Variants in MYBBP1A observed in about 807,000 individuals in gnomAD.
MYBBP1A encodes the protein MYB binding protein 1a, also known as myb-binding protein 1A.
Under a neutral mutation model 136.3 loss-of-function variants are expected in MYBBP1A, and 147 were observed. The ratio of observed to expected loss-of-function variants is 1.08; its 90% CI spans 0.94 to 1.24. The LOEUF (loss-of-function observed/expected upper bound fraction) is 1.24, where lower values mean the gene tolerates loss of function less well. MYBBP1A is among the 50% of genes most tolerant of loss of function. The probability of loss-of-function intolerance (pLI) is 0.00; values close to 1 mark genes in which losing one functional copy is unlikely to be tolerated. For synonymous variants in MYBBP1A, 947 were observed against 735.8 expected (o/e 1.29, Z -4.65); for missense variants, 2,060 against 1,727.4 (o/e 1.19, Z -3.41).
Position 4,539,051 on chromosome 17 carries a change from C to A in MYBBP1A, c.*364G>T. 8.9e-7 allele frequency: 1 copy of A among 1,122,150 alleles called. No individual in the cohort carries two copies. The highest frequency in any genetic ancestry group is 1.2e-5 in the South Asian group (1 of 80,238). The allele number at this position is 1,122,150 out of a possible 1,614,324, so 69.5% of individuals were successfully genotyped here. A position where few individuals can be genotyped will look rare whatever the true frequency, so the allele number is the denominator to read the frequency against. Reference sequence around the variant, plus strand: ...ATTTAAATCACCCCCTGGTGGCTCCCTCACAGCAAAAAAGCCTGGGGGCAA... The same window carrying A: ...ATTTAAATCACCCCCTGGTGGCTCCATCACAGCAAAAAAGCCTGGGGGCAA... On this transcript the variant is annotated 3_prime_UTR_variant, in exon 26 of 26. Transcript: ENST00000254718.
chr17:4,544,695 G>A, intron 18 of MYBBP1A, 49 bp from the exon 19 acceptor site: 5 of 1,431,116 alleles, frequency 3.5e-6, no homozygotes, highest in Non-Finnish European at 4.7e-6. Flanking sequence ...CGCACAGGGA[G>A]GCGGGGGTGG....
At chr17:4,547,869 C>T (rs778346434) in intron 13 of MYBBP1A, 89 bp downstream of exon 13, 11 of 1,167,530 alleles carry the variant, frequency 9.4e-6, no homozygotes, top group Middle Eastern at 5.9e-4. Flanking sequence ...TTCCTGGAAA[C>T]CCGCACAGCC....
Position 4,539,940 on chromosome 17 carries a change from G to C in MYBBP1A, c.3462C>G (p.Ala1154=), listed in dbSNP as rs560478304. ...VQRPKLEKKD[A]KEIPSATQSP... ...TCTGGGTGGCACTGGGGATCTCCTT[G>C]GCATCCTTCTTCTCCAACTTGGGGC... The change falls in exon 26 of 26, where the codon GCC becomes GCG. Residue 1154 remains alanine (A), a synonymous_variant. Transcript: ENST00000254718. 6.3e-7 allele frequency: 1 copy of C among 1,599,070 alleles called. No homozygotes were observed. Among genetic ancestry groups the C allele is most frequent in the African/African-American group, 1.3e-5 (1 of 74,964 alleles).
intron 14 of MYBBP1A, 26 bp from the exon 15 acceptor site, chr17:4,545,787 G>A (rs375963321): frequency 2.1e-5 from 33 of 1,607,906 alleles, no homozygotes; most frequent in Non-Finnish European, 2.8e-5. Context: ...GTTGAGCCCG[G>A]ATAGGGGACC....
rs778203636 is a variant in MYBBP1A, at chr17:4,553,857, G to C, written c.514C>G (p.His172Asp). The change falls in exon 5 of 26, where the codon CAC (histidine) becomes GAC (aspartate). Residue 172 changes from histidine (H) to aspartate (D), a missense_variant. His to Asp is a moderately conservative substitution (Grantham distance 81). Coordinates refer to ENST00000254718, the MANE Select transcript of MYBBP1A (RefSeq NM_014520.4). ...LLQALAQYQN[H>D]LQEQPRKALV... ...GCCTTCCGGGGCTGCTCCTGCAAGTGGTTTTGGTACTGGGCCAGGGCCTGC... is the reference window on the plus strand; with the variant it reads ...GCCTTCCGGGGCTGCTCCTGCAAGTCGTTTTGGTACTGGGCCAGGGCCTGC... 9.3e-6 allele frequency: 15 copies of C among 1,614,070 alleles called. No homozygotes were observed. The highest frequency in any genetic ancestry group is 1.3e-5 in the Non-Finnish European group (15 of 1,180,024).
In MYBBP1A at chr17:4,545,682, G is replaced by C. The variant is rs1199041046; in HGVS notation, c.2001C>G (p.Arg667=). Residue 667 remains arginine, a synonymous_variant, in exon 15 of 26, where the codon CGC becomes CGG. Coordinates refer to ENST00000254718, the MANE Select transcript of MYBBP1A (RefSeq NM_014520.4). The part of the protein sequence containing the change: ...ALLAQPSHLM[R]QVARSVFGHI... ...GGCCAAACACGCTCCGGGCCACCTG[G>C]CGCATGAGGTGGCTGGGCTGGGCCA... 3.1e-6 allele frequency: 5 copies of C among 1,611,522 alleles called. No individual in the cohort carries two copies. The highest frequency in any genetic ancestry group is 3.3e-4 in the Middle Eastern group (2 of 6,048).
In MYBBP1A at chr17:4,545,623, T is replaced by C. The variant is rs371950979; in HGVS notation, c.2060A>G (p.Gln687Arg). ...ICSHLTPRAL[Q>R]LILDVLNPET... ...GTCCCAACTCACATCCAGAATTAGC[T>C]GCAGGGCACGCGGGGTCAGGTGGGA... The change falls in exon 15 of 26, where the codon CAG becomes CGG. Residue 687 changes from glutamine (Q) to arginine (R), a missense_variant. Physicochemically the swap from Gln to Arg is conservative, Grantham distance 43. Coordinates refer to ENST00000254718, the MANE Select transcript of MYBBP1A (RefSeq NM_014520.4). The C allele has an allele frequency of 1.3e-6, 2 of 1,591,214 alleles. No homozygotes were observed. The highest frequency in any genetic ancestry group is 1.7e-6 in the Non-Finnish European group (2 of 1,165,326).
rs373556256 is a variant in MYBBP1A, at chr17:4,552,664, C to T, written c.562-38G>A. ...GGAGAAGAAATCGTGACTTCCTCTGCGGGGTGAGCCTGGTGGATCCTGTTC... is the reference window on the plus strand; with the variant it reads ...GGAGAAGAAATCGTGACTTCCTCTGTGGGGTGAGCCTGGTGGATCCTGTTC... On this transcript the variant is annotated intron_variant, in intron 5 of 25. Transcript: ENST00000254718. The surrounding 1 kb of genome is among the most constrained non-coding windows in gnomAD (Gnocchi z 4.7). The T allele has an allele frequency of 2.3e-5, 37 of 1,590,752 alleles. No homozygotes were observed. The African/African-American group carries it at 2.7e-4, about 12-fold the overall frequency.
At chr17:4,551,256 G>T (rs1907476362) in intron 8 of MYBBP1A, among the ~76,000 whole-genome samples, 1 of 152,242 alleles carries the variant, frequency 6.6e-6, no homozygotes, top group East Asian at 1.9e-4. Context: ...CAACCCAGCA[G>T]CACTTACTGG....
At chr17:4,554,318 G>A in intron 2 of MYBBP1A, 40 bp from the exon 3 acceptor site, 1 of 1,576,652 alleles carries the variant, frequency 6.3e-7, no homozygotes, top group Non-Finnish European at 8.7e-7. Flanking sequence ...GGGTTCAGGA[G>A]AGTGGCCCAA....
chr17:4,553,951 G>C (rs765824607), intron 4 of MYBBP1A, 34 bp from the exon 5 acceptor site: 5 of 1,613,496 alleles, frequency 3.1e-6, no homozygotes, highest in South Asian at 1.1e-5. Context: ...GGTATGAGCA[G>C]GGCACACGAC....
chr17:4,540,270 C>A (rs1906275798), intron 25 of MYBBP1A, 78 bp downstream of exon 25: 1 of 1,486,174 alleles, frequency 6.7e-7, no homozygotes, highest in Non-Finnish European at 9.0e-7. Context: ...AGCGTGTGTG[C>A]AGCGTGTGTG....
intron 3 of MYBBP1A, 42 bp from the exon 4 acceptor site, chr17:4,554,135 C>A: frequency 6.2e-7 from 1 of 1,612,980 alleles, no homozygotes; most frequent in Non-Finnish European, 8.5e-7. Context: ...GGCCCTGGAA[C>A]TCCCCATTCC....
At position 4,552,026 on chromosome 17, in the gene MYBBP1A, C is replaced by T. The variant is rs116880590; in HGVS notation, c.906-29G>A. 14,631 of 1,597,942 alleles carry T rather than the reference C, an allele frequency of 9.2e-3. 96 individuals carry two copies. The highest frequency in any genetic ancestry group is 0.011 in the Non-Finnish European group (12,682 of 1,169,466). ...AAGGGGGTGCAGGACAGAGCCTGGT[C>T]AGAGCCCTTGGTGCCCCTGGTGGGA... On this transcript the variant is annotated intron_variant, in intron 7 of 25. Transcript: ENST00000254718. This position sits in a 1 kb window ranked among gnomAD's most constrained non-coding sequence, Gnocchi z 4.7.
chr17:4,544,195 C>T (rs944976904), intron 19 of MYBBP1A, among the ~76,000 whole-genome samples: 2 of 151,312 alleles, frequency 1.3e-5, no homozygotes, highest in Non-Finnish European at 2.9e-5. Flanking sequence ...GGGATGGACC[C>T]CAGCTCCAGG....
chr17:4,542,106 GGGACAA>G (rs1906489570), intron 22 of MYBBP1A: 1 of 592,538 alleles, frequency 1.7e-6, no homozygotes, highest in Admixed American at 3.0e-5. Context: ...ACCTCAGGTT[GGGACAA>G]TTCCTGCCCA....
At chr17:4,546,671 A>G (rs1907041789) in intron 13 of MYBBP1A, among the ~76,000 whole-genome samples, 2 of 152,342 alleles carry the variant, frequency 1.3e-5, no homozygotes, top group African/African-American at 4.8e-5. Flanking sequence ...CATTGAACTC[A>G]TCTGACTGGG....
chr17:4,547,877 G>T, intron 13 of MYBBP1A, 81 bp downstream of exon 13: 1 of 1,213,916 alleles, frequency 8.2e-7, no homozygotes, highest in Non-Finnish European at 1.1e-6. Context: ...AACCCGCACA[G>T]CCCTCAAAAG....
At position 4,540,500 on chromosome 17, in the gene MYBBP1A, A is replaced by G; in HGVS notation, c.3298-16T>C. On this transcript the variant is annotated splice_polypyrimidine_tract_variant and intron_variant, in intron 24 of 25. Transcript: ENST00000254718. ...AGGTCAGCTTCTGCAGAGGGTGGGAAGGCAGAGCTGTGGGGCCACAGAGGG... is the reference window on the plus strand; with the variant it reads ...AGGTCAGCTTCTGCAGAGGGTGGGAGGGCAGAGCTGTGGGGCCACAGAGGG... 1 of 1,598,404 alleles carries G rather than the reference A, an allele frequency of 6.3e-7. No homozygotes were observed. Among genetic ancestry groups the G allele is most frequent in the Non-Finnish European group, 8.5e-7 (1 of 1,173,482 alleles).
Sources: allele counts gnomAD v4.1 joint callset (sites outside exome capture counted in the v4.1 genomes callset), GRCh38; gene constraint gnomAD v4.1.1; non-coding constraint Gnocchi (gnomAD v3.1); transcripts MANE v1.5; gene names NCBI Gene and HGNC (gene_info 2026-07-23, HGNC 2026-07-21).